Variants in ACTR3C observed in about 807,000 individuals in gnomAD.
ACTR3C encodes the protein actin-related protein 3C.
A neutral mutation model predicts 26.3 loss-of-function variants in ACTR3C; 18 were observed. That is an observed-to-expected ratio of 0.68 (90% confidence interval 0.47 to 1.01). The LOEUF is 1.01. Ranked by LOEUF, ACTR3C falls within the 50% of genes least tolerant of loss-of-function variation. The pLI, the probability that ACTR3C is intolerant of heterozygous loss-of-function variation, is 0.00. For synonymous variants in ACTR3C, 55 were observed against 94.5 expected (o/e 0.58, Z 2.42); for missense variants, 184 against 250.7 (o/e 0.73, Z 1.80).
At chr7:150,199,645 A>T in the ACTR3C span, among the ~76,000 whole-genome samples, 3,312 of 139,712 alleles carry the variant, frequency 0.024, 238 homozygotes, top group African/African-American at 0.084. Context: ...AAAATAAAAA[A>T]AAATAAATAA....
chr7:149,928,444 TCTC>T, the ACTR3C span, among the ~76,000 whole-genome samples: 1 of 148,684 alleles, frequency 6.7e-6, no homozygotes, highest in Admixed American at 6.7e-5. Flanking sequence ...ATGGTCTCGA[TCTC>T]CTGACCTCAT....
At chr7:150,289,705 A>G in intron 3 of ACTR3C, 112 bp from the exon 4 acceptor site, 2 of 1,531,342 alleles carry the variant, frequency 1.3e-6, no homozygotes, top group South Asian at 1.3e-5. Context: ...CACGGCACTG[A>G]CAAGCATTGA....
chr7:150,030,860 C>A, the ACTR3C span, among the ~76,000 whole-genome samples: 1 of 152,096 alleles, frequency 6.6e-6, no homozygotes, highest in Non-Finnish European at 1.5e-5. Context: ...GGGTGTTCTT[C>A]GTGGCATAGA....
the ACTR3C span, among the ~76,000 whole-genome samples, chr7:149,945,760 G>A: frequency 9.1e-4 from 138 of 152,260 alleles, no homozygotes; most frequent in African/African-American, 2.6e-3. Context: ...AAACCACATC[G>A]GGTTCTGGGG....
intron 3 of ACTR3C, among the ~76,000 whole-genome samples, chr7:150,290,443 GCTGACCGT>G (rs1339190692): frequency 2.6e-5 from 4 of 152,236 alleles, no homozygotes; most frequent in Admixed American, 2.0e-4. Context: ...TGAGCAGGAT[GCTGACCGT>G]CAGAGTGGAC....
chr7:150,233,985 G>A, the ACTR3C span, among the ~76,000 whole-genome samples: 1 of 152,098 alleles, frequency 6.6e-6, no homozygotes, highest in Non-Finnish European at 1.5e-5. Flanking sequence ...ATCTGGCTGA[G>A]AATCAAGCTA....
At chr7:150,206,094 G>A in the ACTR3C span, among the ~76,000 whole-genome samples, 5 of 152,140 alleles carry the variant, frequency 3.3e-5, no homozygotes, top group South Asian at 2.1e-4. Context: ...AAGTGAGGGC[G>A]GGATCTTCAC....
At chr7:149,967,781 C>T in the ACTR3C span, among the ~76,000 whole-genome samples, 3 of 152,150 alleles carry the variant, frequency 2.0e-5, no homozygotes, top group Admixed American at 6.5e-5. Context: ...CTATAATCTT[C>T]CTCTCTGACA....
At chr7:150,039,020 T>A in the ACTR3C span, among the ~76,000 whole-genome samples, 1 of 113,820 alleles carries the variant, frequency 8.8e-6, no homozygotes, top group Admixed American at 9.1e-5. Context: ...GAAGAGGGTC[T>A]GGCTCTCAGT....
the ACTR3C span, among the ~76,000 whole-genome samples, chr7:149,926,908 G>A: frequency 6.6e-6 from 1 of 151,936 alleles, no homozygotes; most frequent in African/African-American, 2.4e-5. Context: ...AAAGTGGGTT[G>A]TTAAAATATG....
chr7:149,968,659 T>C, the ACTR3C span, among the ~76,000 whole-genome samples: 2 of 152,250 alleles, frequency 1.3e-5, no homozygotes, highest in East Asian at 1.9e-4. Flanking sequence ...CTAGCCTTTT[T>C]ATTTTCAAAA....
intron 6 of ACTR3C, among the ~76,000 whole-genome samples, chr7:150,267,025 A>T (rs904822988): frequency 6.6e-6 from 1 of 152,236 alleles, no homozygotes; most frequent in Non-Finnish European, 1.5e-5. Context: ...GCAGACACTG[A>T]GTACATTTCC....
chr7:150,126,397 G>A, the ACTR3C span, among the ~76,000 whole-genome samples: 1 of 152,160 alleles, frequency 6.6e-6, no homozygotes, highest in Non-Finnish European at 1.5e-5. Flanking sequence ...CTTTTTTGGG[G>A]TCACAAATAA....
chr7:150,205,900 A>G, the ACTR3C span, among the ~76,000 whole-genome samples: 1 of 152,146 alleles, frequency 6.6e-6, no homozygotes, highest in Non-Finnish European at 1.5e-5. Context: ...TTGCTCAACA[A>G]AAACAGTTTT....
chr7:150,165,143 C>G, the ACTR3C span, among the ~76,000 whole-genome samples: 2 of 152,172 alleles, frequency 1.3e-5, no homozygotes, highest in African/African-American at 2.4e-5. Context: ...AGTTCCAGCT[C>G]AATGCAATTC....
the ACTR3C span, among the ~76,000 whole-genome samples, chr7:150,041,700 C>T: frequency 7.0e-6 from 1 of 143,612 alleles, no homozygotes; most frequent in South Asian, 2.2e-4. Context: ...TCTCAGTCCC[C>T]ACCCTCGCGG....
At chr7:150,155,522 A>G in the ACTR3C span, among the ~76,000 whole-genome samples, 202 of 152,072 alleles carry the variant, frequency 1.3e-3, no homozygotes, top group Non-Finnish European at 2.2e-3. Flanking sequence ...AAAACACACA[A>G]CGTTTACATA....
the ACTR3C span, among the ~76,000 whole-genome samples, chr7:149,996,460 G>A: frequency 6.7e-6 from 1 of 149,946 alleles, no homozygotes; most frequent in Admixed American, 6.7e-5. Context: ...AAGGAAACAG[G>A]CAAAGACAAA....
the ACTR3C span, among the ~76,000 whole-genome samples, chr7:150,035,275 T>C: frequency 2.4e-4 from 14 of 57,466 alleles, 1 homozygote; most frequent in African/African-American, 4.2e-4. Flanking sequence ...TCTCAGTCCC[T>C]GCCTCGTGGA....
Sources: gnomAD v4.1 joint callset for allele counts (sites outside exome capture counted in the v4.1 genomes callset) on GRCh38, gnomAD v4.1.1 for gene constraint, MANE v1.5 for transcripts, NCBI Gene and HGNC (gene_info 2026-07-23, HGNC 2026-07-21) for gene names.